Variants in HIPK2 observed in about 807,000 individuals in gnomAD.
HIPK2 encodes the protein homeodomain interacting protein kinase 2, also known as homeodomain-interacting protein kinase 2.
In HIPK2, 27 loss-of-function variants were observed where a neutral mutation model predicts 113.7. The observed-to-expected ratio is 0.24, with a 90% CI of 0.17 to 0.33. HIPK2 has a LOEUF of 0.33. Ranked by LOEUF, HIPK2 falls within the 10% of genes least tolerant of loss-of-function variation. The pLI, the probability that HIPK2 is intolerant of heterozygous loss-of-function variation, is 1.00. For missense variants in HIPK2, 1,257 were observed against 1,588.0 expected (o/e 0.79, Z 3.54); for synonymous variants, 631 against 642.2 (o/e 0.98, Z 0.26).
At chr7:139,584,279 G>C (rs1301104148) in intron 12 of HIPK2, among the ~76,000 whole-genome samples, 1 of 152,150 alleles carries the variant, frequency 6.6e-6, no homozygotes, top group Non-Finnish European at 1.5e-5. Flanking sequence ...AGAAGGGGCT[G>C]GTGCTGGACC....
intron 1 of HIPK2, 51 bp from the exon 2 acceptor site, chr7:139,717,066 G>A (rs1795269926): frequency 6.4e-7 from 1 of 1,556,664 alleles, no homozygotes; most frequent in Non-Finnish European, 8.7e-7. Flanking sequence ...CTTGGTACAA[G>A]TAAACTCAAC....
Position 139,584,934 on chromosome 7 carries a change from G to A in HIPK2, c.2718-870C>T, listed in dbSNP as rs138157543. On this transcript the variant is annotated intron_variant, in intron 12 of 14. Coordinates refer to ENST00000406875, the MANE Select transcript of HIPK2 (RefSeq NM_022740.5). ...CACTGGCTTTGGATAGCTCTTGGCC[G>A]GCATGTTTGTTCAGAGATATTTAAG... 2.8e-3 allele frequency among the ~76,000 whole-genome samples: 425 copies of A among 152,278 alleles called. 1 individual carries two copies. The highest frequency in any genetic ancestry group is 9.7e-3 in the African/African-American group (404 of 41,536).
intron 2 of HIPK2, among the ~76,000 whole-genome samples, chr7:139,712,870 C>T (rs1308261313): frequency 6.6e-6 from 1 of 152,130 alleles, no homozygotes; most frequent in Admixed American, 6.5e-5. Context: ...AGGGCTCAGA[C>T]AAGGCCTGAG....
intron 13 of HIPK2, chr7:139,583,430 A>G (rs1465754337): frequency 5.4e-6 from 1 of 185,816 alleles, no homozygotes; most frequent in African/African-American, 2.4e-5. Flanking sequence ...CCTACACAAG[A>G]AGCCCATCTG....
chr7:139,587,984 G>A (rs2116585231), intron 12 of HIPK2, among the ~76,000 whole-genome samples: 1 of 152,234 alleles, frequency 6.6e-6, no homozygotes, highest in African/African-American at 2.4e-5. Flanking sequence ...AGGAGTTTAA[G>A]ACCAGCCTGG....
intron 7 of HIPK2, among the ~76,000 whole-genome samples, chr7:139,615,267 C>A (rs1799998147): frequency 6.6e-6 from 1 of 152,190 alleles, no homozygotes; most frequent in Non-Finnish European, 1.5e-5. Flanking sequence ...TAGAGAAGTA[C>A]AGGAGATGTA....
rs572509670 is a variant in HIPK2, at chr7:139,561,833, AATC to A, written c.*11091_*11093del. On this transcript the variant is annotated 3_prime_UTR_variant, in exon 15 of 15. Coordinates refer to ENST00000406875, the MANE Select transcript of HIPK2 (RefSeq NM_022740.5). ...TATTCTTCTATATTTTTTCTGTTAA[AATC>A]ATCTCATAAATTTACAATGCTATTA... 75 of 152,080 alleles carry A rather than the reference AATC, an allele frequency of 4.9e-4. No homozygotes were observed. The highest frequency in any genetic ancestry group is 1.6e-3 in the African/African-American group (66 of 41,524). The allele number at this position is 152,080 out of a possible 1,614,324, so 9.4% of individuals were successfully genotyped here.
At chr7:139,747,759 T>C (rs1003936678) in intron 1 of HIPK2, among the ~76,000 whole-genome samples, 1 of 152,222 alleles carries the variant, frequency 6.6e-6, no homozygotes, top group Non-Finnish European at 1.5e-5. Context: ...GGTTTTTCCC[T>C]TGGGTCCCAT....
At position 139,631,756 on chromosome 7, in the gene HIPK2, C is replaced by T. The variant is rs28611119; in HGVS notation, c.1104-31G>A. The T allele has an allele frequency of 0.11, 182,107 of 1,597,188 alleles. 12,315 individuals are homozygous for T. Among genetic ancestry groups the T allele is most frequent in the African/African-American group, 0.3 (22,623 of 74,198 alleles). On this transcript the variant is annotated intron_variant, in intron 2 of 14. Coordinates refer to ENST00000406875, the MANE Select transcript of HIPK2 (RefSeq NM_022740.5). The surrounding 1 kb of genome is among the most constrained non-coding windows in gnomAD (Gnocchi z 4.9). ...AAGGAAGAATGGAAGAAACCATTAGCAAGTTGGAAATGCAGGAAGCTGTTT... is the reference window on the plus strand; with the variant it reads ...AAGGAAGAATGGAAGAAACCATTAGTAAGTTGGAAATGCAGGAAGCTGTTT...
intron 1 of HIPK2, among the ~76,000 whole-genome samples, chr7:139,740,992 C>T (rs563709443): frequency 3.9e-5 from 6 of 152,226 alleles, no homozygotes; most frequent in East Asian, 1.9e-4. Flanking sequence ...ACTAAAAATA[C>T]GAAAATTAGC....
intron 2 of HIPK2, among the ~76,000 whole-genome samples, chr7:139,640,089 A>G (rs1370820084): frequency 6.6e-6 from 1 of 152,130 alleles, no homozygotes; most frequent in Non-Finnish European, 1.5e-5. Context: ...GAACCATCTT[A>G]AAGAATCGCC....
At chr7:139,648,453 G>A (rs1025989751) in intron 2 of HIPK2, among the ~76,000 whole-genome samples, 5 of 152,322 alleles carry the variant, frequency 3.3e-5, no homozygotes, top group African/African-American at 9.6e-5. Context: ...AGAGAGAAGC[G>A]TGGAGGGAAA....
chr7:139,655,974 T>TC (rs1401658486), intron 2 of HIPK2, among the ~76,000 whole-genome samples: 1 of 152,148 alleles, frequency 6.6e-6, no homozygotes, highest in Non-Finnish European at 1.5e-5. Context: ...TTCCCTTGGT[T>TC]CTCATCCTCA....
At chr7:139,724,676 A>ACCCCCCCCCCC (rs1795517208) in intron 1 of HIPK2, among the ~76,000 whole-genome samples, 1 of 103,960 alleles carries the variant, frequency 9.6e-6, no homozygotes, top group Non-Finnish European at 1.9e-5. Flanking sequence ...TGCTATCCCT[A>ACCCCCCCCCCC]CCCCCTCCCC....
intron 1 of HIPK2, among the ~76,000 whole-genome samples, chr7:139,758,243 A>C (rs996675945): frequency 1.3e-5 from 2 of 152,194 alleles, no homozygotes; most frequent in African/African-American, 4.8e-5. Context: ...TTCAGATATG[A>C]AAAGATGATA....
At chr7:139,597,106 C>A in intron 11 of HIPK2, 108 bp from the exon 12 acceptor site, 1 of 1,229,736 alleles carries the variant, frequency 8.1e-7, no homozygotes, top group South Asian at 1.5e-5. Flanking sequence ...CTCTGTAAAA[C>A]ACGTCAGTGG....
At chr7:139,702,317 C>CA (rs1243076166) in intron 2 of HIPK2, among the ~76,000 whole-genome samples, 2 of 152,102 alleles carry the variant, frequency 1.3e-5, no homozygotes, top group African/African-American at 4.8e-5. Context: ...TTATTTCCTC[C>CA]AAAAAAATAA....
At chr7:139,743,817 CT>C (rs2117087506) in intron 1 of HIPK2, among the ~76,000 whole-genome samples, 1 of 152,268 alleles carries the variant, frequency 6.6e-6, no homozygotes, top group Admixed American at 6.5e-5. Flanking sequence ...CAGAGGTCAC[CT>C]AAAAGACTAC....
At chr7:139,583,192 A>T (rs1201701852) in intron 13 of HIPK2, among the ~76,000 whole-genome samples, 1 of 152,202 alleles carries the variant, frequency 6.6e-6, no homozygotes, top group Non-Finnish European at 1.5e-5. Context: ...ATGCTACAAA[A>T]TCTACAGTGA....
Sources: gnomAD v4.1 joint callset for allele counts (sites outside exome capture counted in the v4.1 genomes callset) on GRCh38, gnomAD v4.1.1 for gene constraint, Gnocchi (gnomAD v3.1) non-coding constraint, MANE v1.5 for transcripts, NCBI Gene and HGNC (gene_info 2026-07-23, HGNC 2026-07-21) for gene names.